The following UBE3C variants were observed in gnomAD, a reference collection of about 807,000 sequenced individuals.
The protein encoded by UBE3C is ubiquitin-protein ligase E3C.
In UBE3C, 42 loss-of-function variants were observed where a neutral mutation model predicts 129.4. That is an observed-to-expected ratio of 0.32 (90% CI 0.25 to 0.42). The LOEUF (loss-of-function observed/expected upper bound fraction) is 0.42. UBE3C is among the 10% of genes least tolerant of loss of function. The pLI is 1.00. For synonymous variants in UBE3C, 510 were observed against 492.4 expected, an observed-to-expected ratio of 1.04 and a Z score of -0.47; for missense variants, 1,049 against 1,319.1, an observed-to-expected ratio of 0.80 and a Z score of 3.17.
At chr7:157,256,407 T>A (rs970488709) in intron 21 of UBE3C, among the ~76,000 whole-genome samples, 1 of 151,826 alleles carries the variant, frequency 6.6e-6, no homozygotes, top group African/African-American at 2.4e-5. Context: ...CCTCCCAAAG[T>A]GCTGGGATTA....
chr7:157,216,806 C>T lies in UBE3C; in HGVS notation c.1810-61C>T. 3.0e-6 allele frequency: 4 copies of T among 1,323,236 alleles called. No homozygotes were observed. In the East Asian group the frequency reaches 7.0e-5, roughly 23 times the overall value. 82.0% of individuals were successfully genotyped at this position (1,323,236 alleles called of 1,614,324 possible). ...TGCTCCTCCTCGAGTGAATGTATGG[C>T]TCACTGTGCATTGTGCTGCCGAGCT... On this transcript the variant is annotated intron_variant, in intron 13 of 22. Coordinates refer to ENST00000348165, the MANE Select transcript of UBE3C (RefSeq NM_014671.3).
intron 11 of UBE3C, among the ~76,000 whole-genome samples, chr7:157,202,513 C>CG (rs1563054240): frequency 1.3e-5 from 2 of 152,110 alleles, no homozygotes; most frequent in Admixed American, 1.3e-4. Context: ...AAAAATTAGT[C>CG]GGGCATGGTG....
At chr7:157,236,956 TC>T in intron 18 of UBE3C, among the ~76,000 whole-genome samples, 1 of 152,206 alleles carries the variant, frequency 6.6e-6, no homozygotes, top group South Asian at 2.1e-4. Context: ...GGTCTCGAAA[TC>T]CTGACCTCAG....
chr7:157,246,008 A>AAC (rs1554437634), intron 18 of UBE3C, among the ~76,000 whole-genome samples: 5 of 151,850 alleles, frequency 3.3e-5, no homozygotes, highest in Non-Finnish European at 7.4e-5. Flanking sequence ...AAAAAAAAAA[A>AAC]AAAAAACAGT....
At chr7:157,157,946 C>T (rs1586650149) in intron 1 of UBE3C, among the ~76,000 whole-genome samples, 1 of 150,402 alleles carries the variant, frequency 6.6e-6, no homozygotes. Context: ...TGCCACTGCA[C>T]TCCAGCCTGG....
At chr7:157,145,226 G>A (rs954906221) in intron 1 of UBE3C, among the ~76,000 whole-genome samples, 5 of 151,822 alleles carry the variant, frequency 3.3e-5, no homozygotes, top group African/African-American at 9.7e-5. Flanking sequence ...GGGTGACAGA[G>A]CATGACTCTG....
At chr7:157,139,653 G>A (rs1466850544) in intron 1 of UBE3C, among the ~76,000 whole-genome samples, 2 of 152,220 alleles carry the variant, frequency 1.3e-5, no homozygotes, top group Non-Finnish European at 2.9e-5. Context: ...TTCGGGACCC[G>A]GGCGCGCTGG....
intron 13 of UBE3C, among the ~76,000 whole-genome samples, chr7:157,208,273 A>G (rs1004233349): frequency 6.6e-6 from 1 of 151,818 alleles, no homozygotes; most frequent in Non-Finnish European, 1.5e-5. Flanking sequence ...ACAGAGTCTC[A>G]CTGTGTTACC....
Position 157,169,088 on chromosome 7 carries a change from C to A in UBE3C, c.161C>A (p.Ser54Ter). The change falls in exon 3 of 23, where the codon TCA (serine) becomes TAA (stop). Residue 54 changes from serine (S) to a stop codon, truncating the protein, a stop_gained. Transcript: ENST00000348165. LOFTEE classifies it high-confidence loss of function. ...TTGAAAAATGCAATAATTATCCAGT[C>A]ATTTATTCGAGGCTATAGAGACAGA... Reference protein sequence around the residue: ...RRLKNAIIIQSFIRGYRDRKQ... With the variant: ...RRLKNAIIIQ 6.2e-7 allele frequency: 1 copy of A among 1,613,678 alleles called. No homozygotes were observed. The highest frequency in any genetic ancestry group is 1.1e-5 in the South Asian group (1 of 90,990).
At chr7:157,264,516 T>TACAC (rs139639074) in intron 22 of UBE3C, among the ~76,000 whole-genome samples, 1,601 of 120,268 alleles carry the variant, frequency 0.013, 41 homozygotes, top group African/African-American at 0.05. Context: ...CTCGGCCTGT[T>TACAC]ACACACACAC....
chr7:157,266,218 G>A (rs1381663600), intron 22 of UBE3C, among the ~76,000 whole-genome samples: 1 of 152,182 alleles, frequency 6.6e-6, no homozygotes, highest in Non-Finnish European at 1.5e-5. Flanking sequence ...GGAGGCTGAG[G>A]CAGGAGAATG....
chr7:157,172,372 A>G (rs1404878620), intron 4 of UBE3C, among the ~76,000 whole-genome samples: 5 of 152,178 alleles, frequency 3.3e-5, no homozygotes, highest in Non-Finnish European at 7.3e-5. Flanking sequence ...ATTTTTGTTT[A>G]TCTGTGTTAA....
intron 10 of UBE3C, among the ~76,000 whole-genome samples, chr7:157,189,736 C>G (rs1245352620): frequency 1.3e-5 from 2 of 148,926 alleles, no homozygotes; most frequent in African/African-American, 4.9e-5. Flanking sequence ...TTCTCAGTTT[C>G]CTTTGTGGGT....
intron 18 of UBE3C, among the ~76,000 whole-genome samples, chr7:157,240,298 G>A (rs1254017307): frequency 2.6e-5 from 4 of 151,926 alleles, no homozygotes; most frequent in South Asian, 2.1e-4. Flanking sequence ...CAAGTGATCC[G>A]CCCACCTCAG....
Position 157,138,964 on chromosome 7 carries a change from G to A in UBE3C, c.-309G>A, listed in dbSNP as rs1269267041. ...GCTGACCGCCATCTTCCCTCCCGAGGCGGCAGTTCCAGGTGCAAGCGCCGG... is the reference window on the plus strand; with the variant it reads ...GCTGACCGCCATCTTCCCTCCCGAGACGGCAGTTCCAGGTGCAAGCGCCGG... On this transcript the variant is annotated 5_prime_UTR_variant, in exon 1 of 23. Coordinates refer to ENST00000348165, the MANE Select transcript of UBE3C (RefSeq NM_014671.3). The A allele has an allele frequency of 6.6e-6, 1 of 152,338 alleles. No individual in the cohort carries two copies. The highest frequency in any genetic ancestry group is 1.5e-5 in the Non-Finnish European group (1 of 68,364). The allele number at this position is 152,338 out of a possible 1,614,324, so 9.4% of individuals were successfully genotyped here.
intron 19 of UBE3C, among the ~76,000 whole-genome samples, chr7:157,249,578 G>C (rs1796570173): frequency 6.6e-6 from 1 of 152,242 alleles, no homozygotes; most frequent in Non-Finnish European, 1.5e-5. Context: ...CTCCTGAAGT[G>C]CTGGGATTAC....
intron 18 of UBE3C, among the ~76,000 whole-genome samples, chr7:157,239,303 G>A (rs59580574): frequency 0.062 from 9,478 of 152,172 alleles, 724 homozygotes; most frequent in African/African-American, 0.18. Flanking sequence ...ATGAGTGAAC[G>A]GCACAGACCT....
rs1808331477 is a variant in UBE3C at position 157,170,291 on chromosome 7, G to A, written c.196-13G>A. On this transcript the variant is annotated splice_polypyrimidine_tract_variant and intron_variant, in intron 3 of 22. Transcript: ENST00000348165. ...CTATATTTATGGGTCATTTTGTTTT[G>A]TTTTTCTTCCAGTATTCCATCCAAA... is the stretch of plus-strand genomic sequence containing the variant. 1.4e-6 allele frequency: 2 copies of A among 1,466,410 alleles called. No homozygotes were observed. Among genetic ancestry groups the A allele is most frequent in the Non-Finnish European group, 1.8e-6 (2 of 1,107,646 alleles). The allele number at this position is 1,466,410 out of a possible 1,614,324, so 90.8% of individuals were successfully genotyped here. A position where few individuals can be genotyped will look rare whatever the true frequency, so the allele number is the denominator to read the frequency against.
rs1554430614 is a variant in UBE3C at position 157,207,986 on chromosome 7, C to G, written c.1809+51C>G. 2.7e-6 allele frequency: 3 copies of G among 1,102,862 alleles called. 1 individual carries two copies. The highest frequency in any genetic ancestry group is 2.3e-6 in the Non-Finnish European group (2 of 877,486). 68.3% of individuals were successfully genotyped at this position (1,102,862 alleles called of 1,614,324 possible). ...TTACTGACATTGAAAAATGTACAAA[C>G]TTTTGTCTTGACTCGTTGCAGAGGA... On this transcript the variant is annotated intron_variant, in intron 13 of 22. Transcript: ENST00000348165.
Sources: allele counts gnomAD v4.1 joint callset (sites outside exome capture counted in the v4.1 genomes callset), GRCh38; gene constraint gnomAD v4.1.1; transcripts MANE v1.5; gene names NCBI Gene and HGNC (gene_info 2026-07-23, HGNC 2026-07-21).